The following SEC14L1 variants were observed in gnomAD, a reference collection of about 807,000 sequenced individuals.
SEC14L1 encodes the protein SEC14 like lipid binding 1.
SEC14L1 carries 48 observed loss-of-function variants against 85.3 expected under a neutral mutation model. That is an observed-to-expected ratio of 0.56 (90% CI 0.45 to 0.72). SEC14L1 has a LOEUF of 0.72. Among genes scored for constraint, SEC14L1 ranks in the 30% least tolerant of loss-of-function variants. SEC14L1 has a pLI of 0.00. For missense variants in SEC14L1, 682 were observed against 921.4 expected (o/e 0.74, Z 3.36); for synonymous variants, 391 against 355.5 (o/e 1.10, Z -1.12).
At chr17:77,179,120 C>T (rs1463359960) in intron 3 of SEC14L1, among the ~76,000 whole-genome samples, 5 of 152,172 alleles carry the variant, frequency 3.3e-5, no homozygotes, top group African/African-American at 1.2e-4. Context: ...ATGGAAGAAG[C>T]TCCGATGGGT....
chr17:77,115,404 G>A (rs1205900693), intron 3 of SEC14L1, among the ~76,000 whole-genome samples: 2 of 151,960 alleles, frequency 1.3e-5, no homozygotes, highest in Admixed American at 6.6e-5. Flanking sequence ...ACTCCAGCCT[G>A]GGCAATAAGA....
At chr17:77,169,250 T>C (rs1974426825) in intron 3 of SEC14L1, among the ~76,000 whole-genome samples, 1 of 152,130 alleles carries the variant, frequency 6.6e-6, no homozygotes, top group Non-Finnish European at 1.5e-5. Context: ...CCGAGGGACG[T>C]TAATCTTTCC....
chr17:77,159,182 C>T (rs1598319350), intron 3 of SEC14L1, among the ~76,000 whole-genome samples: 1 of 138,258 alleles, frequency 7.2e-6, no homozygotes, highest in African/African-American at 2.7e-5. Flanking sequence ...TCTCCTGCCT[C>T]AGCCTCCCAA....
intron 10 of SEC14L1, among the ~76,000 whole-genome samples, chr17:77,204,853 G>C (rs1976383690): frequency 6.6e-6 from 1 of 152,160 alleles, no homozygotes; most frequent in African/African-American, 2.4e-5. Flanking sequence ...TTAACCTAAA[G>C]CAAAGGATCG....
At chr17:77,180,046 T>TGTTATGTTATGTTA (rs1974946818) in intron 3 of SEC14L1, among the ~76,000 whole-genome samples, 2 of 121,022 alleles carry the variant, frequency 1.7e-5, no homozygotes, top group South Asian at 3.2e-4. Flanking sequence ...ATGTTTTGTT[T>TGTTATGTTATGTTA]TGTTATGTTA....
intron 3 of SEC14L1, among the ~76,000 whole-genome samples, chr17:77,171,802 A>G (rs1321052290): frequency 6.6e-6 from 1 of 152,192 alleles, no homozygotes; most frequent in Non-Finnish European, 1.5e-5. Flanking sequence ...TCCGTTTACT[A>G]CTGAGTACCC....
intron 10 of SEC14L1, among the ~76,000 whole-genome samples, chr17:77,204,330 G>T (rs1976347379): frequency 6.6e-6 from 1 of 151,936 alleles, no homozygotes; most frequent in Non-Finnish European, 1.5e-5. Flanking sequence ...TGATTCTCCT[G>T]CCTCAACCTC....
At chr17:77,204,060 C>G (rs1191687538) in intron 10 of SEC14L1, among the ~76,000 whole-genome samples, 5 of 152,152 alleles carry the variant, frequency 3.3e-5, no homozygotes, top group African/African-American at 1.2e-4. Context: ...CCCATCATCT[C>G]GCTGACTCCA....
chr17:77,105,490 G>A (rs768478203), intron 3 of SEC14L1, among the ~76,000 whole-genome samples: 11 of 150,272 alleles, frequency 7.3e-5, no homozygotes, highest in Non-Finnish European at 1.6e-4. Flanking sequence ...CCATGATATA[G>A]TCCCATTCCC....
intron 3 of SEC14L1, chr17:77,130,252 A>G (rs1260736842): frequency 1.3e-5 from 2 of 152,054 alleles, no homozygotes; most frequent in East Asian, 3.9e-4. Context: ...ATCAGCCCCA[A>G]GGATGCTTCA....
chr17:77,180,948 G>A (rs979958844), intron 3 of SEC14L1: 1 of 152,174 alleles, frequency 6.6e-6, no homozygotes, highest in African/African-American at 2.4e-5. Flanking sequence ...ATGAGGAAAC[G>A]AGGTGGGGTA....
chr17:77,155,530 G>A (rs1238764068), intron 3 of SEC14L1, among the ~76,000 whole-genome samples: 2 of 152,116 alleles, frequency 1.3e-5, no homozygotes, highest in Non-Finnish European at 2.9e-5. Flanking sequence ...ATGTCTCCTG[G>A]ATGGGCGCTC....
intron 3 of SEC14L1, among the ~76,000 whole-genome samples, chr17:77,130,390 C>T (rs1339062994): frequency 2.0e-5 from 3 of 152,086 alleles, no homozygotes; most frequent in Non-Finnish European, 4.4e-5. Context: ...TGTCTCGGCT[C>T]ACTGCAACCT....
chr17:77,202,631 A>C (rs1976211396), intron 9 of SEC14L1, among the ~76,000 whole-genome samples: 1 of 151,902 alleles, frequency 6.6e-6, no homozygotes, highest in Non-Finnish European at 1.5e-5. Flanking sequence ...TAAAAAACAA[A>C]AAAGGAGGCC....
At chr17:77,174,614 A>G (rs1974667929) in intron 3 of SEC14L1, among the ~76,000 whole-genome samples, 1 of 152,136 alleles carries the variant, frequency 6.6e-6, no homozygotes, top group East Asian at 1.9e-4. Flanking sequence ...TCGTCACACC[A>G]GGTGGGTCTC....
chr17:77,137,961 C>T (rs1472467586), upstream of SEC14L1, among the ~76,000 whole-genome samples: 1 of 152,126 alleles, frequency 6.6e-6, no homozygotes. Context: ...TTTATTATTA[C>T]TCAAATCAGT....
chr17:77,172,246 T>C (rs1294820803), intron 3 of SEC14L1, among the ~76,000 whole-genome samples: 2 of 151,800 alleles, frequency 1.3e-5, no homozygotes, highest in Non-Finnish European at 2.9e-5. Context: ...GGACTTGAGG[T>C]AAAAAAAAGA....
chr17:77,214,910 A>G lies in SEC14L1; in HGVS notation c.*887A>G. ...AGCCCAGACAGTTCCAGCCACTAGG[A>G]GGCCGTCTTGGAACCAGCAAGTCGC... is the stretch of plus-strand genomic sequence containing the variant. On this transcript the variant is annotated 3_prime_UTR_variant, in exon 17 of 17. Transcript: ENST00000436233. 2 of 985,322 alleles carry G rather than the reference A, an allele frequency of 2.0e-6. No individual in the cohort carries two copies. The highest frequency in any genetic ancestry group is 2.4e-6 in the Non-Finnish European group (2 of 829,942). The allele number at this position is 985,322 out of a possible 1,614,324, so 61.0% of individuals were successfully genotyped here.
chr17:77,204,567 C>G (rs894240484), intron 10 of SEC14L1, among the ~76,000 whole-genome samples: 36 of 121,992 alleles, frequency 3.0e-4, no homozygotes, highest in African/African-American at 1.1e-3. Flanking sequence ...CATCGTCTTA[C>G]TCTGTTGCTG....
Sources: allele counts gnomAD v4.1 joint callset (sites outside exome capture counted in the v4.1 genomes callset), GRCh38; gene constraint gnomAD v4.1.1; transcripts MANE v1.5; gene names NCBI Gene and HGNC (gene_info 2026-07-23, HGNC 2026-07-21).